SLC35F6: variants seen among roughly 807,000 people sequenced by gnomAD.
The protein encoded by SLC35F6 is solute carrier family 35 member F6, also known as ANT2-binding protein.
SLC35F6 carries 26 observed loss-of-function variants against 29.4 expected under a neutral mutation model. The ratio of observed to expected loss-of-function variants is 0.89; its 90% CI spans 0.65 to 1.23. The LOEUF (loss-of-function observed/expected upper bound fraction) is 1.23. Ranked by LOEUF, SLC35F6 falls within the 50% of genes most tolerant of loss-of-function variation. SLC35F6 has a pLI of 0.00. For missense variants in SLC35F6, 428 were observed against 487.8 expected, an observed-to-expected ratio of 0.88 and a Z score of 1.15; for synonymous variants, 174 against 206.6, an observed-to-expected ratio of 0.84 and a Z score of 1.35.
chr2:26,776,307 C>T (rs950080149), intron 4 of SLC35F6, 65 bp from the exon 5 acceptor site: 19 of 1,480,934 alleles, frequency 1.3e-5, no homozygotes, highest in Admixed American at 1.7e-5. Flanking sequence ...TCGCTGTGGC[C>T]ATGCTCTCCT....
chr2:26,781,044 A>G lies in SLC35F6; in HGVS notation c.*2533A>G, dbSNP rs1365358271. The G allele has an allele frequency of 6.6e-6, 1 of 152,176 alleles. No homozygotes were observed. The highest frequency in any genetic ancestry group is 1.5e-5 in the Non-Finnish European group (1 of 68,038). The allele number at this position is 152,176 out of a possible 1,614,324, so 9.4% of individuals were successfully genotyped here. A position where few individuals can be genotyped will look rare whatever the true frequency, so the allele number is the denominator to read the frequency against. ...CTGTCCCAGGAAGAAGCAAATGGACAGTGAGGATGATGGAGAGACTACAGC... is the reference window on the plus strand; with the variant it reads ...CTGTCCCAGGAAGAAGCAAATGGACGGTGAGGATGATGGAGAGACTACAGC... On this transcript the variant is annotated 3_prime_UTR_variant, in exon 6 of 6. Transcript: ENST00000344420.
chr2:26,780,318 C>T lies in SLC35F6; in HGVS notation c.*1807C>T, dbSNP rs561436782. 1.5e-3 allele frequency: 228 copies of T among 152,054 alleles called. No homozygotes were observed. The highest frequency in any genetic ancestry group is 4.8e-3 in the Admixed American group (74 of 15,278). 9.4% of individuals were successfully genotyped at this position (152,054 alleles called of 1,614,324 possible). ...TCCTACCCTCAGCTCCTGCAAGGAC[C>T]TGGGGGACCCCCAGGTCCAGCAGCC... On this transcript the variant is annotated 3_prime_UTR_variant, in exon 6 of 6. Coordinates refer to ENST00000344420, the MANE Select transcript of SLC35F6 (RefSeq NM_017877.4).
At chr2:26,772,830 C>T (rs530863361) in intron 1 of SLC35F6, among the ~76,000 whole-genome samples, 2 of 152,350 alleles carry the variant, frequency 1.3e-5, no homozygotes, top group Non-Finnish European at 2.9e-5. Flanking sequence ...TTTTCATGCA[C>T]AGATGGCAGA....
At chr2:26,768,601 C>T (rs1017683758) in intron 1 of SLC35F6, among the ~76,000 whole-genome samples, 8 of 151,606 alleles carry the variant, frequency 5.3e-5, no homozygotes, top group African/African-American at 1.9e-4. Flanking sequence ...CCTGACCTCG[C>T]CCATCTCGGC....
chr2:26,772,877 A>C (rs1423476221), intron 1 of SLC35F6, among the ~76,000 whole-genome samples: 2 of 152,196 alleles, frequency 1.3e-5, no homozygotes, highest in Admixed American at 6.5e-5. Flanking sequence ...TGCCCAAAGC[A>C]CTATGCCACA....
At position 26,775,330 on chromosome 2, in the gene SLC35F6, T is replaced by TCA. The variant is rs530114097; in HGVS notation, c.322+119_322+120dup. ...CTTCATCCCACCATTCCCCCAGACTTCACACGCACAGGCACACAGGCAGGA... is the reference window on the plus strand; with the variant it reads ...CTTCATCCCACCATTCCCCCAGACTTCACACACGCACAGGCACACAGGCAGGA... On this transcript the variant is annotated intron_variant, in intron 3 of 5. Transcript: ENST00000344420. The surrounding 1 kb of genome is among the most constrained non-coding windows in gnomAD (Gnocchi z 4.6). The TCA allele has an allele frequency of 9.8e-6, 15 of 1,522,940 alleles. No individual in the cohort carries two copies. Among genetic ancestry groups the TCA allele is most frequent in the South Asian group, 1.3e-5 (1 of 78,528 alleles). The allele number at this position is 1,522,940 out of a possible 1,614,324, so 94.3% of individuals were successfully genotyped here.
Position 26,764,547 on chromosome 2 carries a change from C to A in SLC35F6, c.77+121C>A, listed in dbSNP as rs1045833703. On this transcript the variant is annotated intron_variant, in intron 1 of 5. Coordinates refer to ENST00000344420, the MANE Select transcript of SLC35F6 (RefSeq NM_017877.4). ...GCTTTCCCACTTGCTCCGGTCAGTT[C>A]GCGCGCGTTATGACCACCCAAGGGA... 4 of 1,308,762 alleles carry A rather than the reference C, an allele frequency of 3.1e-6. No individual in the cohort carries two copies. In the South Asian group the frequency reaches 3.9e-5, roughly 13 times the overall value. The allele number at this position is 1,308,762 out of a possible 1,614,324, so 81.1% of individuals were successfully genotyped here. A position where few individuals can be genotyped will look rare whatever the true frequency, so the allele number is the denominator to read the frequency against.
At chr2:26,765,626 G>T (rs564585291) in intron 1 of SLC35F6, among the ~76,000 whole-genome samples, 1 of 152,366 alleles carries the variant, frequency 6.6e-6, no homozygotes, top group East Asian at 1.9e-4. Flanking sequence ...GGAGACAGAC[G>T]TGTACGCACA....
At chr2:26,776,514 G>A (rs370099948) in intron 5 of SLC35F6, 32 bp downstream of exon 5, 4 of 1,596,098 alleles carry the variant, frequency 2.5e-6, no homozygotes, top group Non-Finnish European at 3.4e-6. Context: ...TGGAAGGAGT[G>A]GGGTAGAAGG....
intron 1 of SLC35F6, among the ~76,000 whole-genome samples, chr2:26,773,510 A>AG (rs1664238648): frequency 6.6e-6 from 1 of 151,656 alleles, no homozygotes; most frequent in South Asian, 2.1e-4. Flanking sequence ...TAAGAAAAAA[A>AG]AAAAAAAAAG....
intron 5 of SLC35F6, among the ~76,000 whole-genome samples, chr2:26,776,978 A>G (rs1466601809): frequency 6.6e-6 from 1 of 152,234 alleles, no homozygotes; most frequent in African/African-American, 2.4e-5. Context: ...AAGCGGGTGG[A>G]TCACTTGAGG....
intron 1 of SLC35F6, among the ~76,000 whole-genome samples, chr2:26,768,178 C>G (rs1198702224): frequency 6.6e-6 from 1 of 152,132 alleles, no homozygotes; most frequent in Non-Finnish European, 1.5e-5. Flanking sequence ...GTTGTTGGGC[C>G]AGCTTGTGGA....
At chr2:26,772,894 T>C (rs1484217274) in intron 1 of SLC35F6, among the ~76,000 whole-genome samples, 1 of 152,180 alleles carries the variant, frequency 6.6e-6, no homozygotes, top group Admixed American at 6.5e-5. Flanking sequence ...CACAAAGGAT[T>C]CTGGGCTTGT....
chr2:26,781,224 T>TA lies in SLC35F6; in HGVS notation c.*2715dup, dbSNP rs1664403257. On this transcript the variant is annotated 3_prime_UTR_variant, in exon 6 of 6. Coordinates refer to ENST00000344420, the MANE Select transcript of SLC35F6 (RefSeq NM_017877.4). ...ATTTAATTTATAAAGAAAAGAGGTT[T>TA]AATTGGCTCACAGTTCTGCAGGCTA... is the stretch of plus-strand genomic sequence containing the variant. 1 of 152,192 alleles carries TA rather than the reference T, an allele frequency of 6.6e-6. No individual in the cohort carries two copies. Among genetic ancestry groups the TA allele is most frequent in the Non-Finnish European group, 1.5e-5 (1 of 68,052 alleles). The allele number at this position is 152,192 out of a possible 1,614,324, so 9.4% of individuals were successfully genotyped here.
In SLC35F6 at chr2:26,778,596, T is replaced by A; in HGVS notation, c.*85T>A. On this transcript the variant is annotated 3_prime_UTR_variant, in exon 6 of 6. Transcript: ENST00000344420. ...ACAGGCTGGTGGGCCCCGAATGCCCTATCCCCAAGGCCTCACCCTGTCCCC... is the reference window on the plus strand; with the variant it reads ...ACAGGCTGGTGGGCCCCGAATGCCCAATCCCCAAGGCCTCACCCTGTCCCC... 7.6e-7 allele frequency: 1 copy of A among 1,323,388 alleles called. No homozygotes were observed. The highest frequency in any genetic ancestry group is 1.0e-6 in the Non-Finnish European group (1 of 989,882). 82.0% of individuals were successfully genotyped at this position (1,323,388 alleles called of 1,614,324 possible).
intron 1 of SLC35F6, among the ~76,000 whole-genome samples, chr2:26,768,897 C>G (rs1346128910): frequency 1.3e-5 from 2 of 152,190 alleles, no homozygotes; most frequent in African/African-American, 2.4e-5. Context: ...CCTGCCTCAG[C>G]CTCCCAAAGT....
At chr2:26,765,180 T>G (rs1233113740) in intron 1 of SLC35F6, among the ~76,000 whole-genome samples, 1 of 152,204 alleles carries the variant, frequency 6.6e-6, no homozygotes, top group Non-Finnish European at 1.5e-5. Context: ...AAGGGACAAC[T>G]GGTGGCAGAG....
At chr2:26,776,275 G>T in intron 4 of SLC35F6, 97 bp from the exon 5 acceptor site, 1 of 1,057,804 alleles carries the variant, frequency 9.5e-7, no homozygotes, top group East Asian at 2.5e-5. Flanking sequence ...GCCCTGCAGA[G>T]GTCAGGGGCT....
At position 26,778,244 on chromosome 2, in the gene SLC35F6, C is replaced by T. The variant is rs1217228283; in HGVS notation, c.849C>T (p.Val283=). The T allele has an allele frequency of 6.2e-7, 1 of 1,614,190 alleles. No individual in the cohort carries two copies. Among genetic ancestry groups the T allele is most frequent in the South Asian group, 1.1e-5 (1 of 91,086 alleles). ...TCTTCAACTTCGCAGGCATCAGCGT[C>T]ACCAAGGAACTGAGCGCCACCACCC... The part of the protein sequence containing the change: ...IAFFNFAGIS[V]TKELSATTRM... The change falls in exon 6 of 6, where the codon GTC becomes GTT. Residue 283 remains valine, a synonymous_variant. Coordinates refer to ENST00000344420, the MANE Select transcript of SLC35F6 (RefSeq NM_017877.4).
Sources: allele counts gnomAD v4.1 joint callset (sites outside exome capture counted in the v4.1 genomes callset), GRCh38; gene constraint gnomAD v4.1.1; non-coding constraint Gnocchi (gnomAD v3.1); transcripts MANE v1.5; gene names NCBI Gene and HGNC (gene_info 2026-07-23, HGNC 2026-07-21).